The following YME1L1 variants were observed in gnomAD, a reference collection of about 807,000 sequenced individuals.
The protein encoded by YME1L1 is ATP-dependent zinc metalloprotease YME1L1.
A neutral mutation model predicts 90.4 loss-of-function variants in YME1L1; 39 were observed. The ratio of observed to expected loss-of-function variants is 0.43; its 90% confidence interval spans 0.33 to 0.56. The LOEUF (loss-of-function observed/expected upper bound fraction) is 0.56, where lower values mean the gene tolerates loss of function less well. YME1L1 is among the 20% of genes least tolerant of loss of function. The pLI, the probability that YME1L1 is intolerant of heterozygous loss-of-function variation, is 0.03. For missense variants in YME1L1, 617 were observed against 868.4 expected (o/e 0.71, Z 3.64); for synonymous variants, 284 against 287.3 (o/e 0.99, Z 0.12).
rs775389798 is a variant in YME1L1, at chr10:27,116,125, T to C, written c.1855A>G (p.Ser619Gly). The change falls in exon 17 of 19, where the codon AGT becomes GGT. Residue 619 changes from serine to glycine, a missense_variant. By Grantham distance (56) the Ser-to-Gly change is moderately conservative. Coordinates refer to ENST00000376016, the MANE Select transcript of YME1L1 (RefSeq NM_014263.4). ...ATTTTAGTGGCATTATCAAAATCAC[T>C]GGAAGCACCTAAAATAAAATAAAAA... ...GTDHITTGAS[S>G]DFDNATKIAK... The C allele has an allele frequency of 1.2e-6, 2 of 1,613,948 alleles. No individual in the cohort carries two copies. Among genetic ancestry groups the C allele is most frequent in the East Asian group, 2.2e-5 (1 of 44,846 alleles).
rs779383461 is a variant in YME1L1, at chr10:27,154,137, C to A, written c.33+41G>T. ...AGCGCAATTTGCAAACAGCCACGGG[C>A]AGGGCGGGAGGAAAAAAAATGGGCT... On this transcript the variant is annotated intron_variant, in intron 1 of 18. Transcript: ENST00000376016. The A allele has an allele frequency of 9.6e-6, 15 of 1,566,546 alleles. No homozygotes were observed. The South Asian group carries it at 1.6e-4, about 17-fold the overall frequency.
At chr10:27,137,864 ATG>A (rs1419193138) in intron 4 of YME1L1, among the ~76,000 whole-genome samples, 14 of 152,076 alleles carry the variant, frequency 9.2e-5, no homozygotes, top group East Asian at 1.9e-4. Context: ...ATTTATTTTA[ATG>A]TGTCTTTGTC....
At chr10:27,120,048 G>A (rs2056850585) in intron 13 of YME1L1, among the ~76,000 whole-genome samples, 1 of 151,982 alleles carries the variant, frequency 6.6e-6, no homozygotes, top group African/African-American at 2.4e-5. Flanking sequence ...ATTTCCATGT[G>A]TTTTGTTTTA....
chr10:27,147,273 T>C lies in YME1L1; in HGVS notation c.168+1633A>G, dbSNP rs551624696. 9.4e-5 allele frequency: 66 copies of C among 700,568 alleles called. No homozygotes were observed. In the African/African-American group the frequency reaches 1.2e-3, roughly 12 times the overall value. 43.4% of individuals were successfully genotyped at this position (700,568 alleles called of 1,614,324 possible). The stretch of plus-strand genomic sequence containing the variant: ...TTTTGAGAGGCTGAGGTGGGAGGAC[T>C]GCTTCAGGCCAGGAGTTCGAGATCA... On this transcript the variant is annotated intron_variant, in intron 2 of 18. Coordinates refer to ENST00000376016, the MANE Select transcript of YME1L1 (RefSeq NM_014263.4).
At chr10:27,112,257 T>A in intron 18 of YME1L1, 137 bp from the exon 19 acceptor site, 11 of 812,414 alleles carry the variant, frequency 1.4e-5, no homozygotes, top group South Asian at 1.9e-5. Flanking sequence ...TGTAGAATCT[T>A]GATTCTACAG....
At chr10:27,145,743 T>C (rs2057137743) in intron 2 of YME1L1, 153 bp from the exon 3 acceptor site, 3 of 692,232 alleles carry the variant, frequency 4.3e-6, no homozygotes, top group Non-Finnish European at 6.4e-6. Context: ...TGCAAATATT[T>C]TCACAGTTCG....
intron 5 of YME1L1, 86 bp from the exon 6 acceptor site, chr10:27,135,067 A>G: frequency 1.5e-6 from 2 of 1,327,010 alleles, no homozygotes; most frequent in Non-Finnish European, 1.0e-6. Context: ...AAAATTCACT[A>G]AAATTCTGTA....
Position 27,145,299 on chromosome 10 carries a change from AAC to A in YME1L1, c.331+127_331+128del, listed in dbSNP as rs1377786524. On this transcript the variant is annotated intron_variant, in intron 3 of 18. Coordinates refer to ENST00000376016, the MANE Select transcript of YME1L1 (RefSeq NM_014263.4). ...CAATATGAAAAATTGCAAAAAAAAA[AAC>A]AAAAAAAAAACACTTCAGGAAAGAA... is the stretch of plus-strand genomic sequence containing the variant. 4.3e-5 allele frequency: 33 copies of A among 763,762 alleles called. No homozygotes were observed. In the African/African-American group the frequency reaches 4.4e-4, roughly 10 times the overall value. The allele number at this position is 763,762 out of a possible 1,614,324, so 47.3% of individuals were successfully genotyped here.
intron 8 of YME1L1, among the ~76,000 whole-genome samples, chr10:27,127,617 T>C (rs142608910): frequency 2.1e-3 from 313 of 152,304 alleles, no homozygotes; most frequent in African/African-American, 7.3e-3. Flanking sequence ...AGAAGCCTCA[T>C]ACAAAAGAGG....
At chr10:27,122,819 AG>A in intron 11 of YME1L1, 21 bp downstream of exon 11, 1 of 1,611,948 alleles carries the variant, frequency 6.2e-7, no homozygotes, top group Non-Finnish European at 8.5e-7. Flanking sequence ...CCATATTCTA[AG>A]AAAAAAGAAG....
chr10:27,152,720 C>G lies in YME1L1; in HGVS notation c.33+1458G>C, dbSNP rs760191424. On this transcript the variant is annotated intron_variant, in intron 1 of 18. Coordinates refer to ENST00000376016, the MANE Select transcript of YME1L1 (RefSeq NM_014263.4). ...TCTGATCAAACCCAGAAACACCTCT[C>G]CCCATCATCTCTCTGATCTCTCATG... Among the ~76,000 whole-genome samples, 3 of 152,264 alleles carry G rather than the reference C, an allele frequency of 2.0e-5. No homozygotes were observed. In the East Asian group the frequency reaches 5.8e-4, roughly 29 times the overall value.
At chr10:27,123,843 G>GT (rs1564458500) in intron 9 of YME1L1, 144 bp from the exon 10 acceptor site, 1 of 786,356 alleles carries the variant, frequency 1.3e-6, no homozygotes, top group African/African-American at 1.8e-5. Context: ...ACAGCAAACC[G>GT]TACTTGTCTC....
intron 1 of YME1L1, among the ~76,000 whole-genome samples, chr10:27,152,810 T>C (rs897504933): frequency 1.2e-4 from 18 of 152,076 alleles, no homozygotes; most frequent in South Asian, 2.1e-4. Context: ...ACAGCTTTAA[T>C]TGGGGGGTGG....
intron 1 of YME1L1, among the ~76,000 whole-genome samples, chr10:27,152,787 C>T (rs2057236798): frequency 6.6e-6 from 1 of 151,524 alleles, no homozygotes; most frequent in Non-Finnish European, 1.5e-5. Flanking sequence ...CTCTTCTTTC[C>T]ATAACCACTG....
chr10:27,113,219 C>CAAAAAAAAAAAAAAAAA (rs869122796), intron 18 of YME1L1, among the ~76,000 whole-genome samples: 1 of 43,104 alleles, frequency 2.3e-5, no homozygotes, highest in Non-Finnish European at 4.4e-5. Flanking sequence ...GATGCTGTCT[C>CAAAAAAAAAAAAAAAAA]AAAAAAAAAA....
At chr10:27,153,044 C>T (rs1775350) in intron 1 of YME1L1, among the ~76,000 whole-genome samples, 21,997 of 152,194 alleles carry the variant, frequency 0.14, 1,906 homozygotes, top group Admixed American at 0.23. Context: ...CCTTTAACTA[C>T]TATGTTCTAG....
chr10:27,153,915 C>A (rs2057270606), intron 1 of YME1L1, among the ~76,000 whole-genome samples: 2 of 151,712 alleles, frequency 1.3e-5, no homozygotes, highest in Non-Finnish European at 2.9e-5. Flanking sequence ...AGAAATTCCA[C>A]GCAATCAGTT....
chr10:27,127,220 T>C (rs895112745), intron 8 of YME1L1, among the ~76,000 whole-genome samples: 4 of 152,244 alleles, frequency 2.6e-5, no homozygotes, highest in Admixed American at 2.6e-4. Flanking sequence ...ATTACACTTA[T>C]TAAAGAACAA....
intron 4 of YME1L1, 143 bp downstream of exon 4, chr10:27,142,244 T>A (rs1409376566): frequency 2.1e-6 from 1 of 468,888 alleles, no homozygotes; most frequent in Non-Finnish European, 3.6e-6. Flanking sequence ...TATACAGAAG[T>A]ACCCAAACTC....
Sources: allele counts gnomAD v4.1 joint callset (sites outside exome capture counted in the v4.1 genomes callset), GRCh38; gene constraint gnomAD v4.1.1; transcripts MANE v1.5; gene names NCBI Gene and HGNC (gene_info 2026-07-23, HGNC 2026-07-21).